Variants in UBA6 observed in about 807,000 individuals in gnomAD.
The protein encoded by UBA6 is ubiquitin like modifier activating enzyme 6, also known as ubiquitin-like modifier-activating enzyme 6.
Under a neutral mutation model 148.3 loss-of-function variants are expected in UBA6, and 87 were observed. That is an observed-to-expected ratio of 0.59 (90% CI 0.49 to 0.70). UBA6 has a LOEUF of 0.70. Among genes scored for constraint, UBA6 ranks in the 30% least tolerant of loss-of-function variants. UBA6 has a pLI of 0.00. For synonymous variants in UBA6, 376 were observed against 401.0 expected (o/e 0.94, Z 0.75); for missense variants, 1,186 against 1,241.2 (o/e 0.96, Z 0.67).
At chr4:67,680,060 T>A (rs942368768) in intron 4 of UBA6, among the ~76,000 whole-genome samples, 1 of 152,200 alleles carries the variant, frequency 6.6e-6, no homozygotes, top group African/African-American at 2.4e-5. Context: ...TACGAAATGA[T>A]GACAGGAAAC....
At chr4:67,648,139 G>C (rs889413081) in intron 14 of UBA6, among the ~76,000 whole-genome samples, 1 of 151,324 alleles carries the variant, frequency 6.6e-6, no homozygotes, top group African/African-American at 2.4e-5. Flanking sequence ...AAATAATTCA[G>C]CAGCAAAAAT....
At chr4:67,671,219 T>C (rs1730140734) in intron 7 of UBA6, among the ~76,000 whole-genome samples, 1 of 152,210 alleles carries the variant, frequency 6.6e-6, no homozygotes, top group African/African-American at 2.4e-5. Context: ...AAGCTATTTT[T>C]AGAGCTACTG....
chr4:67,639,195 C>G (rs1729244042), intron 18 of UBA6, 71 bp from the exon 19 acceptor site: 1 of 1,209,892 alleles, frequency 8.3e-7, no homozygotes, highest in Non-Finnish European at 1.1e-6. Context: ...TCTATATATT[C>G]CAGAGTGATA....
chr4:67,682,313 C>T (rs1730462940), intron 2 of UBA6, 100 bp from the exon 3 acceptor site: 2 of 800,648 alleles, frequency 2.5e-6, no homozygotes, highest in South Asian at 1.7e-5. Context: ...CTCAATCCGG[C>T]CCACAGACTT....
Position 67,629,143 on chromosome 4 carries a change from C to G in UBA6, c.2329-1G>C. Reference sequence around the variant, plus strand: ...TCAAGAGGGCATCTGCTGATAAGTCCTGTTTTTAAAAAAGTAATTTTACCA... The same window carrying G: ...TCAAGAGGGCATCTGCTGATAAGTCGTGTTTTTAAAAAAGTAATTTTACCA... On this transcript the variant is annotated splice_acceptor_variant, in intron 26 of 32. Coordinates refer to ENST00000322244, the MANE Select transcript of UBA6 (RefSeq NM_018227.6). LOFTEE classifies it high-confidence loss of function. 1 of 1,602,784 alleles carries G rather than the reference C, an allele frequency of 6.2e-7. No homozygotes were observed. The highest frequency in any genetic ancestry group is 8.5e-7 in the Non-Finnish European group (1 of 1,171,410).
In UBA6 at chr4:67,632,042, C is replaced by T. The variant is rs978436919; in HGVS notation, c.2143-134G>A. On this transcript the variant is annotated intron_variant, in intron 23 of 32. Transcript: ENST00000322244. ...AAATCAAAACACATTAAAAGAGACA[C>T]AGTGAAGTCTCCCTACCACCCTTGT... is the stretch of plus-strand genomic sequence containing the variant. 3.2e-5 allele frequency: 25 copies of T among 774,170 alleles called. No individual in the cohort carries two copies. The Admixed American group carries it at 3.8e-4, about 12-fold the overall frequency. 48.0% of individuals were successfully genotyped at this position (774,170 alleles called of 1,614,324 possible).
intron 29 of UBA6, among the ~76,000 whole-genome samples, chr4:67,624,565 A>C (rs1253553612): frequency 3.9e-5 from 6 of 152,084 alleles, no homozygotes; most frequent in Admixed American, 2.6e-4. Flanking sequence ...CACTTAATAC[A>C]GGGGTAAATA....
chr4:67,635,516 T>G lies in UBA6; in HGVS notation c.1779A>C (p.Thr593=). Residue 593 remains threonine (T), a synonymous_variant, in exon 20 of 33, where the codon ACA becomes ACC. Coordinates refer to ENST00000322244, the MANE Select transcript of UBA6 (RefSeq NM_018227.6). The part of the protein sequence containing the change: ...ANLRPLLDSG[T]MGTKGHTEVI... ...CTTCAGTGTGTCCCTTAGTGCCCAT[T>G]GTTCCAGAATCTAAAAGAGGCCTTA... The G allele has an allele frequency of 1.9e-6, 3 of 1,613,262 alleles. No homozygotes were observed. The highest frequency in any genetic ancestry group is 2.5e-6 in the Non-Finnish European group (3 of 1,179,392).
chr4:67,676,625 T>C (rs1730287425), intron 6 of UBA6, among the ~76,000 whole-genome samples: 1 of 152,198 alleles, frequency 6.6e-6, no homozygotes, highest in Non-Finnish European at 1.5e-5. Flanking sequence ...TCTGTTTCTA[T>C]GTGAACATCA....
intron 2 of UBA6, among the ~76,000 whole-genome samples, chr4:67,693,345 T>TAC (rs1166417488): frequency 3.3e-5 from 5 of 151,608 alleles, no homozygotes; most frequent in African/African-American, 4.8e-5. Flanking sequence ...TATATATATA[T>TAC]ACAGTATATA....
At chr4:67,657,987 A>G (rs1729744639) in intron 13 of UBA6, among the ~76,000 whole-genome samples, 1 of 152,206 alleles carries the variant, frequency 6.6e-6, no homozygotes, top group Non-Finnish European at 1.5e-5. Flanking sequence ...AATCAAAACC[A>G]CAATGAGATA....
intron 18 of UBA6, among the ~76,000 whole-genome samples, chr4:67,640,337 T>A (rs1203382880): frequency 6.6e-6 from 1 of 152,210 alleles, no homozygotes; most frequent in African/African-American, 2.4e-5. Context: ...TCTATTATAT[T>A]TGGATAAGCA....
chr4:67,642,069 T>C (rs1456803008), intron 17 of UBA6, among the ~76,000 whole-genome samples: 2 of 152,050 alleles, frequency 1.3e-5, no homozygotes, highest in African/African-American at 4.8e-5. Context: ...TCTCTTTTAA[T>C]GGAAAAAAAA....
chr4:67,644,856 G>T, intron 16 of UBA6, 78 bp from the exon 17 acceptor site: 1 of 688,494 alleles, frequency 1.5e-6, no homozygotes, highest in Non-Finnish European at 2.5e-6. Context: ...TATTTAACAG[G>T]TTTATTTTAC....
intron 31 of UBA6, 37 bp downstream of exon 31, chr4:67,623,098 A>G (rs753361670): frequency 2.0e-5 from 30 of 1,481,434 alleles, no homozygotes; most frequent in Non-Finnish European, 1.0e-5. Context: ...ACCAGACATA[A>G]AGCTACTAAT....
At chr4:67,658,387 AAAC>A (rs1355993175) in intron 13 of UBA6, among the ~76,000 whole-genome samples, 1 of 152,244 alleles carries the variant, frequency 6.6e-6, no homozygotes, top group Non-Finnish European at 1.5e-5. Context: ...CTCAGACTGA[AAAC>A]AGCCCATATC....
intron 1 of UBA6, among the ~76,000 whole-genome samples, chr4:67,700,582 T>A (rs1239199386): frequency 6.6e-6 from 1 of 151,960 alleles, no homozygotes; most frequent in East Asian, 1.9e-4. Context: ...GTGTCCAGAT[T>A]GCTACTGATT....
intron 2 of UBA6, among the ~76,000 whole-genome samples, chr4:67,694,332 G>C (rs1473190030): frequency 1.6e-5 from 2 of 126,104 alleles, no homozygotes; most frequent in African/African-American, 2.9e-5. Context: ...TAAAATCTAA[G>C]AAAATAAGAG....
Position 67,615,778 on chromosome 4 carries a change from C to T in UBA6, c.*3219G>A. ...AAAGAATGTATGATTTTAAATAAAA[C>T]TCAAAAACAAGCAAACTGTATTGTT... On this transcript the variant is annotated 3_prime_UTR_variant, in exon 33 of 33. Transcript: ENST00000322244. 5.0e-6 allele frequency: 1 copy of T among 198,842 alleles called. No individual in the cohort carries two copies. The highest frequency in any genetic ancestry group is 2.3e-5 in the African/African-American group (1 of 43,942). The allele number at this position is 198,842 out of a possible 1,614,324, so 12.3% of individuals were successfully genotyped here. A position where few individuals can be genotyped will look rare whatever the true frequency, so the allele number is the denominator to read the frequency against.
Sources: gnomAD v4.1 joint callset for allele counts (sites outside exome capture counted in the v4.1 genomes callset) on GRCh38, gnomAD v4.1.1 for gene constraint, MANE v1.5 for transcripts, NCBI Gene and HGNC (gene_info 2026-07-23, HGNC 2026-07-21) for gene names.